Variants in KCNA6 observed in about 807,000 individuals in gnomAD.
The protein encoded by KCNA6 is human brain potassium channel-2.
In KCNA6, 17 loss-of-function variants were observed where a neutral mutation model predicts 29.5. That is an observed-to-expected ratio of 0.58 (90% CI 0.39 to 0.86). KCNA6 has a LOEUF of 0.86. Ranked by LOEUF, KCNA6 falls within the 40% of genes least tolerant of loss-of-function variation. The probability of loss-of-function intolerance (pLI) is 0.00; values close to 1 mark genes in which losing one functional copy is unlikely to be tolerated. For missense variants in KCNA6, 450 were observed against 703.4 expected (o/e 0.64, Z 4.07); for synonymous variants, 296 against 304.7 (o/e 0.97, Z 0.30).
chr12:4,818,501 G>A, the KCNA6 span, among the ~76,000 whole-genome samples: 2 of 152,162 alleles, frequency 1.3e-5, no homozygotes, highest in Admixed American at 6.5e-5. Context: ...ATTAATGTAT[G>A]TACAGTGTTT....
At chr12:4,815,502 C>T (rs1032252400), downstream of KCNA6, among the ~76,000 whole-genome samples, 1 of 152,104 alleles carries the variant, frequency 6.6e-6, no homozygotes, top group African/African-American at 2.4e-5. Context: ...GCTGAGTAGC[C>T]CTGGACCACC....
chr12:4,837,992 G>C, the KCNA6 span, among the ~76,000 whole-genome samples: 1 of 152,128 alleles, frequency 6.6e-6, no homozygotes, highest in African/African-American at 2.4e-5. Flanking sequence ...CGCTCTCCAA[G>C]TGTTCCACTC....
chr12:4,845,438 C>T, the KCNA6 span, among the ~76,000 whole-genome samples: 1 of 152,016 alleles, frequency 6.6e-6, no homozygotes, highest in African/African-American at 2.4e-5. Context: ...AACTTCTGTC[C>T]CTCTGCAGGT....
the KCNA6 span, among the ~76,000 whole-genome samples, chr12:4,828,081 AT>A: frequency 1.3e-5 from 2 of 152,018 alleles, no homozygotes; most frequent in African/African-American, 2.4e-5. Context: ...ACTCGGTTGT[AT>A]TTCTCCCCCA....
the KCNA6 span, among the ~76,000 whole-genome samples, chr12:4,835,772 C>G: frequency 6.6e-6 from 1 of 152,102 alleles, no homozygotes; most frequent in Non-Finnish European, 1.5e-5. Context: ...GGCACCGAAG[C>G]CAATATGTGT....
the KCNA6 span, among the ~76,000 whole-genome samples, chr12:4,846,714 C>T: frequency 0.025 from 3,841 of 151,698 alleles, 150 homozygotes; most frequent in African/African-American, 0.088. Context: ...CTCTGTCCCA[C>T]TGCTCCAGTA....
downstream of KCNA6, chr12:4,813,828 T>C (rs1946656161): frequency 1.2e-5 from 2 of 167,098 alleles, no homozygotes; most frequent in African/African-American, 4.8e-5. Flanking sequence ...TGTATGCATG[T>C]ATCTCTGTAT....
Position 4,810,291 on chromosome 12 carries a change from T to G in KCNA6, c.250T>G (p.Tyr84Asp). 2 of 1,613,870 alleles carry G rather than the reference T, an allele frequency of 1.2e-6. No homozygotes were observed. The highest frequency in any genetic ancestry group is 1.7e-6 in the Non-Finnish European group (2 of 1,179,988). ...CTTCTTCGACCCCCTGAGGAACGAG[T>G]ACTTCTTCGACCGCAACCGGCCCAG... is the stretch of plus-strand genomic sequence containing the variant. The change falls in exon 1 of 1, where the codon TAC (tyrosine) becomes GAC (aspartate). Residue 84 changes from tyrosine to aspartate, a missense_variant. Tyr to Asp is a radical substitution (Grantham distance 160, BLOSUM62 -3). This residue lies in a region of KCNA6 where 133 missense variants were observed against 217.5 expected (regional missense o/e 0.61). Transcript: ENST00000280684. This position sits in a 1 kb window ranked among gnomAD's most constrained non-coding sequence, Gnocchi z 7.5.
the KCNA6 span, among the ~76,000 whole-genome samples, chr12:4,823,636 A>G: frequency 6.6e-6 from 1 of 152,098 alleles, no homozygotes; most frequent in Non-Finnish European, 1.5e-5. Context: ...GTGTGGTGGC[A>G]GATTTCTGTA....
At chr12:4,851,012 G>T in the KCNA6 span, 3 of 303,860 alleles carry the variant, frequency 9.9e-6, no homozygotes, top group African/African-American at 4.4e-5. Flanking sequence ...CCAGCTATGG[G>T]GTGGTCAGGG....
the KCNA6 span, among the ~76,000 whole-genome samples, chr12:4,835,356 G>A: frequency 4.6e-5 from 7 of 152,090 alleles, no homozygotes; most frequent in Admixed American, 3.9e-4. Flanking sequence ...GGATGGTCTC[G>A]ATCTCCTGAC....
chr12:4,828,130 G>A, the KCNA6 span, among the ~76,000 whole-genome samples: 2 of 152,014 alleles, frequency 1.3e-5, no homozygotes, highest in African/African-American at 4.8e-5. Flanking sequence ...TATCTCTATA[G>A]AGACACTCAG....
chr12:4,826,123 C>T, the KCNA6 span, among the ~76,000 whole-genome samples: 1 of 152,348 alleles, frequency 6.6e-6, no homozygotes, highest in Non-Finnish European at 1.5e-5. Context: ...TTTGTCCTTT[C>T]TCCCAAGGCA....
chr12:4,841,386 T>C, the KCNA6 span, among the ~76,000 whole-genome samples: 1 of 152,182 alleles, frequency 6.6e-6, no homozygotes. Flanking sequence ...TGTCCTTATT[T>C]TATAAAAGTG....
chr12:4,835,882 G>A, the KCNA6 span, among the ~76,000 whole-genome samples: 1 of 152,016 alleles, frequency 6.6e-6, no homozygotes, highest in East Asian at 1.9e-4. Context: ...TGCCCTTAAG[G>A]CAGGAAGCCT....
At chr12:4,850,859 T>G in the KCNA6 span, 1 of 449,768 alleles carries the variant, frequency 2.2e-6, no homozygotes, top group South Asian at 1.6e-5. The surrounding 1 kb of genome is among the most constrained non-coding windows in gnomAD (Gnocchi z 5.4). Flanking sequence ...GCATCTGGCC[T>G]GACACCGCTC....
chr12:4,819,654 C>T, the KCNA6 span, among the ~76,000 whole-genome samples: 10 of 152,340 alleles, frequency 6.6e-5, no homozygotes, highest in South Asian at 2.1e-3. Context: ...AGATTGCTGT[C>T]TTCACCCTCA....
Position 4,810,932 on chromosome 12 carries a change from C to T in KCNA6, c.891C>T (p.Asn297=), listed in dbSNP as rs1274774804. The stretch of plus-strand genomic sequence containing the variant: ...CGGCCTTCTTCCGGAACATCATGAA[C>T]ATCATTGACTTGGTGGCTATCTTCC... The change falls in exon 1 of 1, where the codon AAC becomes AAT. Residue 297 remains asparagine (N), a synonymous_variant. Coordinates refer to ENST00000280684, the Ensembl canonical transcript of KCNA6. This position sits in a 1 kb window ranked among gnomAD's most constrained non-coding sequence, Gnocchi z 7.5. The T allele has an allele frequency of 3.7e-6, 6 of 1,614,252 alleles. No homozygotes were observed. In the East Asian group the frequency reaches 1.1e-4, roughly 30 times the overall value.
exon 1 of KCNA6, chr12:4,809,854 G>T: frequency 1.6e-6 from 1 of 631,188 alleles, no homozygotes; most frequent in Non-Finnish European, 2.6e-6. Flanking sequence ...CACCTCCCCA[G>T]ACCCAGCCTT....
Sources: gnomAD v4.1 joint callset for allele counts (sites outside exome capture counted in the v4.1 genomes callset) on GRCh38, gnomAD v4.1.1 for gene constraint, gnomAD v4.1.1 regional missense constraint, Gnocchi (gnomAD v3.1) non-coding constraint, MANE v1.5 for transcripts, NCBI Gene and HGNC (gene_info 2026-07-23, HGNC 2026-07-21) for gene names.